Variants in PFKFB3 observed in about 807,000 individuals in gnomAD.
PFKFB3 encodes 6-phosphofructo-2-kinase/fructose-2,6-bisphosphatase 3.
PFKFB3 carries 33 observed loss-of-function variants against 68.0 expected under a neutral mutation model. The ratio of observed to expected loss-of-function variants is 0.49; its 90% CI spans 0.37 to 0.65. PFKFB3 has a LOEUF of 0.65. Ranked by LOEUF, PFKFB3 falls within the 30% of genes least tolerant of loss-of-function variation. The probability of loss-of-function intolerance (pLI) is 0.00; values close to 1 mark genes in which losing one functional copy is unlikely to be tolerated. For missense variants in PFKFB3, 586 were observed against 712.2 expected, an observed-to-expected ratio of 0.82 and a Z score of 2.02; for synonymous variants, 315 against 288.2, an observed-to-expected ratio of 1.09 and a Z score of -0.94.
chr10:6,262,783 A>T, the PFKFB3 span, among the ~76,000 whole-genome samples: 2 of 152,178 alleles, frequency 1.3e-5, no homozygotes, highest in Non-Finnish European at 2.9e-5. Context: ...TAGAGGAGCA[A>T]AGGCAAGAGG....
intron 1 of PFKFB3, among the ~76,000 whole-genome samples, chr10:6,165,331 C>A (rs1842100027): frequency 6.6e-6 from 1 of 152,212 alleles, no homozygotes; most frequent in South Asian, 2.1e-4. Flanking sequence ...AGGGTTGGGG[C>A]TACAGTTACA....
chr10:6,215,202 T>C lies in PFKFB3; in HGVS notation c.203-19T>C. 2 of 1,609,048 alleles carry C rather than the reference T, an allele frequency of 1.2e-6. No homozygotes were observed. Among genetic ancestry groups the C allele is most frequent in the Non-Finnish European group, 1.7e-6 (2 of 1,175,578 alleles). ...TCCTCCTGCTCGATCATCCAGACTG[T>C]TCTCTTTCCCGTCCACAGTGTTCAA... is the stretch of plus-strand genomic sequence containing the variant. On this transcript the variant is annotated intron_variant, in intron 2 of 14. Transcript: ENST00000379775. This position sits in a 1 kb window ranked among gnomAD's most constrained non-coding sequence, Gnocchi z 4.3.
the PFKFB3 span, among the ~76,000 whole-genome samples, chr10:6,317,721 C>A: frequency 6.6e-6 from 1 of 152,130 alleles, no homozygotes; most frequent in African/African-American, 2.4e-5. Flanking sequence ...TCACCTTCTT[C>A]CATAAAGAAT....
chr10:6,227,883 T>C (rs74112097), intron 14 of PFKFB3, among the ~76,000 whole-genome samples: 3,816 of 152,262 alleles, frequency 0.025, 186 homozygotes, highest in African/African-American at 0.088. Context: ...GCATCCGTTC[T>C]GATGGAAATG....
chr10:6,146,843 G>A (rs2131666082), intron 1 of PFKFB3, among the ~76,000 whole-genome samples: 1 of 152,314 alleles, frequency 6.6e-6, no homozygotes, highest in Middle Eastern at 3.4e-3. Context: ...TGGTTTTTTG[G>A]TTATTATCAT....
At chr10:6,293,965 A>G in the PFKFB3 span, 3 of 509,792 alleles carry the variant, frequency 5.9e-6, no homozygotes, top group Admixed American at 2.2e-5. Context: ...CGAATTTTCC[A>G]TCTTGATCCA....
chr10:6,316,413 GC>G, the PFKFB3 span, among the ~76,000 whole-genome samples: 1 of 152,168 alleles, frequency 6.6e-6, no homozygotes, highest in African/African-American at 2.4e-5. Context: ...TTCTGTTTCT[GC>G]CCAACACAGG....
At chr10:6,169,814 T>C (rs1842252248) in intron 1 of PFKFB3, among the ~76,000 whole-genome samples, 1 of 152,232 alleles carries the variant, frequency 6.6e-6, no homozygotes, top group African/African-American at 2.4e-5. Flanking sequence ...AAGGACTGGC[T>C]TCTGCCTGGC....
At chr10:6,149,337 C>G (rs185406872) in intron 1 of PFKFB3, among the ~76,000 whole-genome samples, 1 of 152,132 alleles carries the variant, frequency 6.6e-6, no homozygotes, top group Non-Finnish European at 1.5e-5. Flanking sequence ...CCTATAATCC[C>G]AGCACTTGGG....
At chr10:6,321,236 GT>G in the PFKFB3 span, among the ~76,000 whole-genome samples, 1 of 152,080 alleles carries the variant, frequency 6.6e-6, no homozygotes, top group Admixed American at 6.5e-5. Context: ...GAAACTTTTT[GT>G]TTTGCAAAAC....
Position 6,224,904 on chromosome 10 carries a change from G to A in PFKFB3, c.1341+691G>A, listed in dbSNP as rs79310269. Among the ~76,000 whole-genome samples the A allele has an allele frequency of 2.0e-3, 308 of 151,042 alleles. 2 individuals are homozygous for A. Among genetic ancestry groups the A allele is most frequent in the Non-Finnish European group, 3.5e-3 (237 of 67,864 alleles). ...CAAACAGGATCAGCAGGTCAGCGCCGCCATGTGCTTGTGATTAGGCTCAGA... is the reference window on the plus strand; with the variant it reads ...CAAACAGGATCAGCAGGTCAGCGCCACCATGTGCTTGTGATTAGGCTCAGA... On this transcript the variant is annotated intron_variant, in intron 13 of 14. Transcript: ENST00000379775.
At chr10:6,238,477 CAAAAAAAAAAAAAA>C (rs71390201), downstream of PFKFB3, among the ~76,000 whole-genome samples, 39 of 89,536 alleles carry the variant, frequency 4.4e-4, 1 homozygote, top group East Asian at 1.2e-3. Context: ...GGTGCCATCT[CAAAAAAAAAAAAAA>C]AAAAAAAAAA....
chr10:6,146,198 C>T (rs752349719), intron 1 of PFKFB3: 4 of 1,416,896 alleles, frequency 2.8e-6, no homozygotes, highest in Admixed American at 5.6e-5. Context: ...TCTCTCCCTT[C>T]CCGCACCCAC....
intron 1 of PFKFB3, among the ~76,000 whole-genome samples, chr10:6,206,392 T>TTC (rs2131880563): frequency 7.5e-6 from 1 of 132,760 alleles, no homozygotes; most frequent in East Asian, 2.2e-4. Context: ...TCTCAATCTT[T>TTC]CCCCGCCCCT....
upstream of PFKFB3, chr10:6,197,920 C>A (rs557431892): frequency 2.6e-5 from 4 of 152,256 alleles, no homozygotes; most frequent in South Asian, 8.3e-4. Context: ...ATTTCCTTTT[C>A]TTTTACTTTT....
the PFKFB3 span, among the ~76,000 whole-genome samples, chr10:6,310,239 C>T: frequency 7.9e-5 from 12 of 151,948 alleles, no homozygotes; most frequent in East Asian, 3.9e-4. Context: ...GAGCAGTGAC[C>T]GGGGGTGTCC....
upstream of PFKFB3, among the ~76,000 whole-genome samples, chr10:6,200,918 CT>C (rs545731140): frequency 5.3e-5 from 8 of 152,322 alleles, 1 homozygote; most frequent in East Asian, 1.5e-3. Flanking sequence ...TGATGTGCCG[CT>C]GCTGGGGCAG....
At chr10:6,298,104 T>TATC in the PFKFB3 span, among the ~76,000 whole-genome samples, 227 of 152,276 alleles carry the variant, frequency 1.5e-3, no homozygotes, top group African/African-American at 5.2e-3. Flanking sequence ...GCAGTCTGTT[T>TATC]ATCTTATAAA....
At chr10:6,192,083 CTG>C (rs1843038879) in intron 1 of PFKFB3, among the ~76,000 whole-genome samples, 2 of 151,156 alleles carry the variant, frequency 1.3e-5, no homozygotes, top group African/African-American at 2.4e-5. Flanking sequence ...CTTGGCTACT[CTG>C]TGATTTGGCC....
Sources: allele counts gnomAD v4.1 joint callset (sites outside exome capture counted in the v4.1 genomes callset), GRCh38; gene constraint gnomAD v4.1.1; non-coding constraint Gnocchi (gnomAD v3.1); transcripts MANE v1.5; gene names NCBI Gene and HGNC (gene_info 2026-07-23, HGNC 2026-07-21).